The following ADK variants were observed in gnomAD, a reference collection of about 807,000 sequenced individuals.
ADK encodes N6,N6-dimethyladenosine kinase.
A neutral mutation model predicts 44.7 loss-of-function variants in ADK; 24 were observed. The ratio of observed to expected loss-of-function variants is 0.54; its 90% CI spans 0.39 to 0.76. The LOEUF is 0.76. ADK is among the 30% of genes least tolerant of loss of function. The pLI is 0.00. For missense variants in ADK, 321 were observed against 425.1 expected (o/e 0.76, Z 2.15); for synonymous variants, 128 against 142.6 (o/e 0.90, Z 0.73).
At chr10:74,392,883 G>A (rs987958078) in intron 4 of ADK, among the ~76,000 whole-genome samples, 2 of 151,888 alleles carry the variant, frequency 1.3e-5, no homozygotes, top group South Asian at 4.1e-4. Context: ...TCCTTTTTTT[G>A]TGTTGTTTTG....
At chr10:74,323,945 C>T (rs1213108637) in intron 4 of ADK, among the ~76,000 whole-genome samples, 1 of 152,144 alleles carries the variant, frequency 6.6e-6, no homozygotes, top group African/African-American at 2.4e-5. Flanking sequence ...CTCACCCCCT[C>T]ATCTTCTGTC....
In ADK at chr10:74,496,165, A is replaced by G. The variant is rs1847679077; in HGVS notation, c.556-29091A>G. ...GGTCTTACCTAGGCTGGAGTGCAGTAATGCAGTCACAGCTCACTTCAGCCT... is the reference window on the plus strand; with the variant it reads ...GGTCTTACCTAGGCTGGAGTGCAGTGATGCAGTCACAGCTCACTTCAGCCT... On this transcript the variant is annotated intron_variant, in intron 6 of 10. Transcript: ENST00000539909. Among the ~76,000 whole-genome samples the G allele has an allele frequency of 2.0e-5, 3 of 152,160 alleles. No individual in the cohort carries two copies. In the South Asian group the frequency reaches 6.2e-4, roughly 32 times the overall value.
chr10:74,272,944 C>G (rs1002421900), intron 3 of ADK, among the ~76,000 whole-genome samples: 1 of 152,094 alleles, frequency 6.6e-6, no homozygotes, highest in African/African-American at 2.4e-5. Flanking sequence ...GATGCTTGGG[C>G]TTTTGCCTTA....
intron 7 of ADK, among the ~76,000 whole-genome samples, chr10:74,552,924 A>G (rs571510120): frequency 6.6e-6 from 1 of 152,254 alleles, no homozygotes; most frequent in Non-Finnish European, 1.5e-5. Context: ...CAAAAGGACT[A>G]CTAATTGTTG....
At chr10:74,684,551 A>G (rs1771347841) in intron 10 of ADK, among the ~76,000 whole-genome samples, 1 of 152,164 alleles carries the variant, frequency 6.6e-6, no homozygotes, top group South Asian at 2.1e-4. Context: ...CAGGAAGATT[A>G]CTTGAGCCTA....
At chr10:74,693,043 A>G (rs1004157750) in intron 10 of ADK, among the ~76,000 whole-genome samples, 2 of 152,222 alleles carry the variant, frequency 1.3e-5, no homozygotes, top group African/African-American at 4.8e-5. Context: ...GGATTTTTAG[A>G]GCAGCAAAAC....
At chr10:74,366,394 A>C (rs954693779) in intron 4 of ADK, among the ~76,000 whole-genome samples, 4 of 152,196 alleles carry the variant, frequency 2.6e-5, no homozygotes, top group African/African-American at 9.6e-5. Context: ...TTGATATTGA[A>C]CAAATTGCTG....
In ADK at chr10:74,394,303, G is replaced by A. The variant is rs758588957; in HGVS notation, c.436G>A (p.Gly146Ser). The stretch of plus-strand genomic sequence containing the variant: ...AGGAACTTGTGCTGCATGCATCACT[G>A]GTGACAACAGGTCAGTGTAATTCCA... Reference protein sequence around the residue: ...PTGTCAACITGDNRSLIANLA... With the variant: ...PTGTCAACITSDNRSLIANLA... The change falls in exon 5 of 11, where the codon GGT becomes AGT. Residue 146 changes from glycine (G) to serine (S), a missense_variant. Transcript: ENST00000539909. 1 of 1,613,734 alleles carries A rather than the reference G, an allele frequency of 6.2e-7. No individual in the cohort carries two copies. The highest frequency in any genetic ancestry group is 1.7e-5 in the Admixed American group (1 of 60,014).
intron 7 of ADK, among the ~76,000 whole-genome samples, chr10:74,565,727 C>CAAAA (rs398014155): frequency 9.5e-5 from 6 of 63,320 alleles, no homozygotes; most frequent in South Asian, 5.7e-4. Context: ...AACTCCGTCT[C>CAAAA]AAAAAAAAAA....
At chr10:74,358,212 A>G (rs901822744) in intron 4 of ADK, among the ~76,000 whole-genome samples, 2 of 152,178 alleles carry the variant, frequency 1.3e-5, no homozygotes, top group South Asian at 2.1e-4. Flanking sequence ...ATATCCAAAA[A>G]TATTTATGTC....
At chr10:74,240,460 G>C (rs1302624446) in intron 3 of ADK, among the ~76,000 whole-genome samples, 1 of 150,770 alleles carries the variant, frequency 6.6e-6, no homozygotes, top group African/African-American at 2.4e-5. Context: ...CCTTTAAACT[G>C]TTACTATGAT....
chr10:74,442,344 A>C (rs1343592309), intron 6 of ADK, among the ~76,000 whole-genome samples: 1 of 152,142 alleles, frequency 6.6e-6, no homozygotes, highest in Non-Finnish European at 1.5e-5. Flanking sequence ...TCATTTTTGG[A>C]TATAAATCTA....
chr10:74,547,761 C>A (rs1361752127), intron 7 of ADK, among the ~76,000 whole-genome samples: 2 of 151,926 alleles, frequency 1.3e-5, no homozygotes, highest in African/African-American at 2.4e-5. Flanking sequence ...TGGATTGAAG[C>A]AATTCTCCTG....
chr10:74,598,679 G>A (rs1047381575), intron 8 of ADK, among the ~76,000 whole-genome samples: 2 of 151,884 alleles, frequency 1.3e-5, no homozygotes, highest in East Asian at 1.9e-4. Flanking sequence ...TTCATCTCTC[G>A]ACCTCGTGAT....
chr10:74,178,219 G>A (rs1030895287), intron 1 of ADK, among the ~76,000 whole-genome samples: 2 of 152,080 alleles, frequency 1.3e-5, no homozygotes, highest in African/African-American at 4.8e-5. Flanking sequence ...TGGGATTACA[G>A]GAGTGAGCCA....
intron 3 of ADK, among the ~76,000 whole-genome samples, chr10:74,259,910 A>G (rs1845978488): frequency 6.6e-6 from 1 of 152,116 alleles, no homozygotes; most frequent in African/African-American, 2.4e-5. Flanking sequence ...CTCGTCTTGT[A>G]TTCCTTTATA....
chr10:74,274,751 C>CACACATTATATATATATATATATATATAT (rs1846602758), intron 3 of ADK, among the ~76,000 whole-genome samples: 1 of 105,622 alleles, frequency 9.5e-6, no homozygotes, highest in Non-Finnish European at 1.9e-5. Context: ...TATATATACA[C>CACACATTATATATATATATATATATATAT]ACACACATTA....
chr10:74,172,243 A>G (rs2395077), intron 1 of ADK, among the ~76,000 whole-genome samples: 19,689 of 150,362 alleles, frequency 0.13, 1,278 homozygotes, highest in Middle Eastern at 0.21. Context: ...GGCTCAAGCC[A>G]TCCTTCCATC....
At chr10:74,282,802 G>T (rs1344885540) in intron 3 of ADK, among the ~76,000 whole-genome samples, 1 of 152,134 alleles carries the variant, frequency 6.6e-6, no homozygotes, top group Non-Finnish European at 1.5e-5. Flanking sequence ...ATTATGAAAT[G>T]AGCATTGTTT....
Sources: gnomAD v4.1 joint callset for allele counts (sites outside exome capture counted in the v4.1 genomes callset) on GRCh38, gnomAD v4.1.1 for gene constraint, MANE v1.5 for transcripts, NCBI Gene and HGNC (gene_info 2026-07-23, HGNC 2026-07-21) for gene names.